TMEM38B: variants seen among roughly 807,000 people sequenced by gnomAD.
TMEM38B encodes trimeric intracellular cation channel type B.
A neutral mutation model predicts 28.7 loss-of-function variants in TMEM38B; 24 were observed. That is an observed-to-expected ratio of 0.84 (90% CI 0.61 to 1.18). The LOEUF is 1.18. Ranked by LOEUF, TMEM38B falls within the 50% of genes most tolerant of loss-of-function variation. The probability of loss-of-function intolerance (pLI) is 0.00; values close to 1 mark genes in which losing one functional copy is unlikely to be tolerated. For synonymous variants in TMEM38B, 131 were observed against 127.7 expected (o/e 1.03, Z -0.17); for missense variants, 380 against 350.9 (o/e 1.08, Z -0.66).
intron 5 of TMEM38B, chr9:105,760,296 A>G: frequency 1.3e-6 from 1 of 782,782 alleles, no homozygotes; most frequent in Middle Eastern, 3.6e-4. Context: ...GTGCTGAAAA[A>G]GTGGATCTTG....
At chr9:105,760,634 T>G (rs1838007314) in intron 5 of TMEM38B, 4 of 820,094 alleles carry the variant, frequency 4.9e-6, no homozygotes, top group South Asian at 2.7e-5. Context: ...GAATACCCCT[T>G]GATATATCAG....
chr9:105,714,446 A>C (rs1047914650), intron 2 of TMEM38B, among the ~76,000 whole-genome samples: 15 of 152,160 alleles, frequency 9.9e-5, no homozygotes, highest in African/African-American at 3.6e-4. Flanking sequence ...CCAAAATACA[A>C]ATAGATACTT....
At chr9:105,736,325 G>T (rs1375205856) in intron 4 of TMEM38B, among the ~76,000 whole-genome samples, 2 of 151,474 alleles carry the variant, frequency 1.3e-5, no homozygotes, top group African/African-American at 2.4e-5. Context: ...CTCCTGACTG[G>T]TTAATTTCAA....
At chr9:105,738,113 A>G (rs957241275) in intron 4 of TMEM38B, among the ~76,000 whole-genome samples, 1 of 152,166 alleles carries the variant, frequency 6.6e-6, no homozygotes, top group South Asian at 2.1e-4. Flanking sequence ...GCACAGTAGC[A>G]GGTTGGGCTA....
intron 2 of TMEM38B, among the ~76,000 whole-genome samples, chr9:105,718,390 C>T (rs1392781487): frequency 1.3e-5 from 2 of 152,032 alleles, no homozygotes; most frequent in African/African-American, 4.8e-5. Flanking sequence ...AGGCGCCCGC[C>T]ACCATGCTGG....
intron 4 of TMEM38B, among the ~76,000 whole-genome samples, chr9:105,731,768 C>T (rs768620106): frequency 2.5e-4 from 38 of 152,222 alleles, no homozygotes; most frequent in Admixed American, 1.3e-3. Context: ...AATAAACATA[C>T]GTGTGTATGT....
chr9:105,737,488 C>G (rs931630238), intron 4 of TMEM38B, among the ~76,000 whole-genome samples: 1 of 152,158 alleles, frequency 6.6e-6, no homozygotes, highest in Non-Finnish European at 1.5e-5. Flanking sequence ...AACAGTTACC[C>G]AGTAATGGTG....
At chr9:105,762,247 A>T (rs7850037) in intron 5 of TMEM38B, among the ~76,000 whole-genome samples, 31,217 of 150,528 alleles carry the variant, frequency 0.21, 4,975 homozygotes, top group East Asian at 0.46. Flanking sequence ...CTGGCTATAA[A>T]TTTTTTTTTT....
intron 2 of TMEM38B, among the ~76,000 whole-genome samples, chr9:105,711,908 A>T (rs1432756350): frequency 6.6e-6 from 1 of 151,714 alleles, no homozygotes; most frequent in African/African-American, 2.4e-5. Flanking sequence ...TCCCATTCCA[A>T]TCCTAACCCC....
At chr9:105,706,387 G>A (rs967809230) in intron 2 of TMEM38B, among the ~76,000 whole-genome samples, 1 of 152,222 alleles carries the variant, frequency 6.6e-6, no homozygotes, top group Non-Finnish European at 1.5e-5. Flanking sequence ...CAGAGGATTA[G>A]AGAGACCAGT....
In TMEM38B at chr9:105,708,345, G is replaced by C. The variant is rs539077888; in HGVS notation, c.269+2592G>C. ...TAATCTAGAGATGATTTAAAGTGTA[G>C]TGGAGGATGTGTGTAGGTTATGTAC... On this transcript the variant is annotated intron_variant, in intron 2 of 5. Coordinates refer to ENST00000374692, the MANE Select transcript of TMEM38B (RefSeq NM_018112.3). Among the ~76,000 whole-genome samples, 4 of 152,296 alleles carry C rather than the reference G, an allele frequency of 2.6e-5. No homozygotes were observed. In the East Asian group the frequency reaches 7.7e-4, roughly 29 times the overall value.
chr9:105,768,693 T>C (rs1180596099), intron 5 of TMEM38B, among the ~76,000 whole-genome samples: 1 of 152,196 alleles, frequency 6.6e-6, no homozygotes, highest in African/African-American at 2.4e-5. Flanking sequence ...CATGAAATTG[T>C]TGATAATAGT....
At chr9:105,733,225 A>G (rs7026348) in intron 4 of TMEM38B, among the ~76,000 whole-genome samples, 14,887 of 152,060 alleles carry the variant, frequency 0.098, 1,803 homozygotes, top group African/African-American at 0.29. Context: ...TTTGGGGTGG[A>G]GAGTTCTGTA....
At position 105,694,563 on chromosome 9, in the gene TMEM38B, A is replaced by G; in HGVS notation, c.-98A>G. On this transcript the variant is annotated 5_prime_UTR_variant, in exon 1 of 6. Transcript: ENST00000374692. ...CGCGGAGCTGGAGCCGGCGCGGAGG[A>G]GCGGGCGGCCGCGGCTGTGCCCTCT... 1.2e-5 allele frequency: 10 copies of G among 829,456 alleles called. No homozygotes were observed. The highest frequency in any genetic ancestry group is 1.6e-5 in the Non-Finnish European group (9 of 545,468). The allele number at this position is 829,456 out of a possible 1,614,324, so 51.4% of individuals were successfully genotyped here.
intron 2 of TMEM38B, among the ~76,000 whole-genome samples, chr9:105,720,430 T>C (rs998053011): frequency 2.0e-5 from 3 of 152,018 alleles, no homozygotes; most frequent in Non-Finnish European, 4.4e-5. Flanking sequence ...CAGAATGTAG[T>C]CTGAGCTGAG....
At chr9:105,723,923 C>A (rs1836418079) in intron 4 of TMEM38B, among the ~76,000 whole-genome samples, 1 of 151,616 alleles carries the variant, frequency 6.6e-6, no homozygotes, top group African/African-American at 2.4e-5. Context: ...GCAACCTCCG[C>A]CTCCCAGGTT....
At chr9:105,734,965 GTTAA>G (rs1232854570) in intron 4 of TMEM38B, among the ~76,000 whole-genome samples, 2 of 148,548 alleles carry the variant, frequency 1.3e-5, no homozygotes, top group Non-Finnish European at 1.5e-5. Flanking sequence ...CTGCCATTTT[GTTAA>G]TTGTTTTCTG....
intron 4 of TMEM38B, among the ~76,000 whole-genome samples, chr9:105,744,946 C>G (rs1288827418): frequency 6.6e-6 from 1 of 152,152 alleles, no homozygotes; most frequent in East Asian, 1.9e-4. Flanking sequence ...CATAGTATTC[C>G]ATGGTGTATA....
chr9:105,769,553 A>G (rs573599368), intron 5 of TMEM38B, among the ~76,000 whole-genome samples: 2 of 152,224 alleles, frequency 1.3e-5, no homozygotes, highest in East Asian at 1.9e-4. Flanking sequence ...GACTCAAGCA[A>G]CCTTCCCGCA....
Sources: gnomAD v4.1 joint callset for allele counts (sites outside exome capture counted in the v4.1 genomes callset) on GRCh38, gnomAD v4.1.1 for gene constraint, MANE v1.5 for transcripts, NCBI Gene and HGNC (gene_info 2026-07-23, HGNC 2026-07-21) for gene names.